Variants in ZFP37 observed in about 807,000 individuals in gnomAD.
ZFP37 encodes the protein ZFP37 zinc finger protein.
Under a neutral mutation model 52.1 loss-of-function variants are expected in ZFP37, and 38 were observed. The observed-to-expected ratio is 0.73, with a 90% CI of 0.56 to 0.96. ZFP37 has a LOEUF of 0.96. ZFP37 is among the 40% of genes least tolerant of loss of function. The pLI is 0.00. For missense variants in ZFP37, 695 were observed against 741.4 expected (o/e 0.94, Z 0.73); for synonymous variants, 253 against 259.5 (o/e 0.98, Z 0.24).
At chr9:113,049,962 G>T (rs545278285) in intron 1 of ZFP37, 90 bp from the exon 2 acceptor site, 37 of 1,588,752 alleles carry the variant, frequency 2.3e-5, no homozygotes, top group Non-Finnish European at 3.0e-5. Context: ...TCCACATTTG[G>T]TGAGTGATTT....
At chr9:113,047,862 T>A (rs1041122613) in intron 3 of ZFP37, among the ~76,000 whole-genome samples, 2 of 152,196 alleles carry the variant, frequency 1.3e-5, no homozygotes, top group Admixed American at 6.5e-5. Flanking sequence ...AAGCTGTTGT[T>A]TAAGTAGGTC....
In ZFP37 at chr9:113,040,513, C is replaced by G. The variant is rs1026822831; in HGVS notation, c.*2212G>C. The G allele has an allele frequency of 2.6e-5, 4 of 152,176 alleles. No homozygotes were observed. Among genetic ancestry groups the G allele is most frequent in the Non-Finnish European group, 4.4e-5 (3 of 68,028 alleles). 9.4% of individuals were successfully genotyped at this position (152,176 alleles called of 1,614,324 possible). On this transcript the variant is annotated 3_prime_UTR_variant, in exon 4 of 4. Transcript: ENST00000374227. ...ACCCGTGCATGTGTATGCATGTGTG[C>G]ACATGCACATACACGAACACATATT...
Position 113,043,512 on chromosome 9 carries a change from C to A in ZFP37, c.1106G>T (p.Arg369Ile). The A allele has an allele frequency of 6.2e-7, 1 of 1,614,068 alleles. No individual in the cohort carries two copies. Among genetic ancestry groups the A allele is most frequent in the Admixed American group, 1.7e-5 (1 of 60,018 alleles). ...GHKHALTDHLRIHTGEKPYEC... is the reference protein window; with the variant it reads ...GHKHALTDHLIIHTGEKPYEC... ...ATAGGGCTTTTCTCCAGTATGAATT[C>A]TTAGATGGTCAGTGAGTGCATGTTT... The change falls in exon 4 of 4, where the codon AGA becomes ATA. Residue 369 changes from arginine (R) to isoleucine (I), a missense_variant. Arg to Ile is a moderately conservative substitution (Grantham distance 97). Transcript: ENST00000374227.
intron 3 of ZFP37, among the ~76,000 whole-genome samples, chr9:113,045,342 C>T (rs1041594689): frequency 1.3e-5 from 2 of 152,122 alleles, no homozygotes; most frequent in Non-Finnish European, 2.9e-5. Context: ...TCTAAATTAC[C>T]TGATGCTTTC....
At chr9:113,045,135 A>T (rs934172644) in intron 3 of ZFP37, among the ~76,000 whole-genome samples, 2 of 152,196 alleles carry the variant, frequency 1.3e-5, no homozygotes, top group Non-Finnish European at 2.9e-5. Flanking sequence ...AAATAAAGTG[A>T]GTCCACCAAG....
At chr9:113,050,797 A>G (rs57859873) in intron 1 of ZFP37, among the ~76,000 whole-genome samples, 43,400 of 151,846 alleles carry the variant, frequency 0.29, 6,972 homozygotes, top group Non-Finnish European at 0.37. Context: ...CTTGGGAGGC[A>G]GAGGGAGGAG....
intron 1 of ZFP37, among the ~76,000 whole-genome samples, chr9:113,056,309 A>G (rs1468732902): frequency 6.0e-5 from 9 of 151,084 alleles, no homozygotes; most frequent in Non-Finnish European, 1.3e-4. Flanking sequence ...CTCCTTCCAA[A>G]CTCCGACACT....
chr9:113,049,222 T>C, intron 3 of ZFP37, 140 bp downstream of exon 3: 1 of 948,634 alleles, frequency 1.1e-6, no homozygotes, highest in Non-Finnish European at 1.5e-6. Flanking sequence ...TACAGAATCT[T>C]TGTAGTTTGA....
Position 113,044,061 on chromosome 9 carries a change from T to C in ZFP37, c.557A>G (p.Gln186Arg). ...TGAGTGATCAGGTAAATCTAAATTC[T>C]GTTTCAAAATTTTTCCACATGACTC... ...KFESCGKILK[Q>R]NLDLPDHSRN... The change falls in exon 4 of 4, where the codon CAG (glutamine) becomes CGG (arginine). Residue 186 changes from glutamine (Q) to arginine (R), a missense_variant. Around this residue, in one of 2 missense-constraint regions of ZFP37, gnomAD observed 369 missense variants for 340.9 expected, o/e 1.08. Transcript: ENST00000374227. The C allele has an allele frequency of 6.2e-7, 1 of 1,609,816 alleles. No homozygotes were observed. The highest frequency in any genetic ancestry group is 8.5e-7 in the Non-Finnish European group (1 of 1,179,008).
In ZFP37 at chr9:113,049,809, A is replaced by G; in HGVS notation, c.196T>C (p.Cys66Arg). 2 of 1,613,988 alleles carry G rather than the reference A, an allele frequency of 1.2e-6. No individual in the cohort carries two copies. The highest frequency in any genetic ancestry group is 1.7e-6 in the Non-Finnish European group (2 of 1,179,924). ...TTCTTACCCATTGAGGCTTGGTTGC[A>G]GTAGTTCTCCAGCATCACATCATTA... The part of the protein sequence containing the change: ...LYNDVMLENY[C>R]NQASMGCQAP... Residue 66 changes from cysteine to arginine, a missense_variant, in exon 2 of 4, where the codon TGC (cysteine) becomes CGC (arginine). Coordinates refer to ENST00000374227, the MANE Select transcript of ZFP37 (RefSeq NM_003408.3).
At chr9:113,046,038 T>C (rs1038556625) in intron 3 of ZFP37, among the ~76,000 whole-genome samples, 1 of 151,954 alleles carries the variant, frequency 6.6e-6, no homozygotes, top group Non-Finnish European at 1.5e-5. Context: ...TTACGGTATC[T>C]GAATGGATAG....
intron 3 of ZFP37, among the ~76,000 whole-genome samples, chr9:113,044,770 C>T (rs1828922502): frequency 6.6e-6 from 1 of 152,080 alleles, no homozygotes; most frequent in South Asian, 2.1e-4. Flanking sequence ...AAATTTGACT[C>T]CAGTTAGTCT....
Position 113,043,025 on chromosome 9 carries a change from G to C in ZFP37, c.1593C>G (p.Gly531=), listed in dbSNP as rs1478079690. Residue 531 remains glycine, a synonymous_variant, in exon 4 of 4, where the codon GGC becomes GGG. Coordinates refer to ENST00000374227, the MANE Select transcript of ZFP37 (RefSeq NM_003408.3). ...TATGAACTCTCTGATGTTGAGTAAG[G>C]CCTTCAATTTGTTTAAAGCCTTTCC... is the stretch of plus-strand genomic sequence containing the variant. ...QCGKGFKQIE[G]LTQHQRVHTG... is the part of the protein sequence containing the mutation. 6.2e-7 allele frequency: 1 copy of C among 1,613,576 alleles called. No homozygotes were observed. The highest frequency in any genetic ancestry group is 1.3e-5 in the African/African-American group (1 of 74,946).
At position 113,043,628 on chromosome 9, in the gene ZFP37, A is replaced by G. The variant is rs975862228; in HGVS notation, c.990T>C (p.Phe330=). Residue 330 remains phenylalanine (F), a synonymous_variant, in exon 4 of 4, where the codon TTT becomes TTC. Coordinates refer to ENST00000374227, the MANE Select transcript of ZFP37 (RefSeq NM_003408.3). ...PYECNECGIA[F]SQKSHLVVHQ... ...GTACAACAAGGTGTGACTTTTGGCT[A>G]AAGGCTATCCCACATTCATTACATT... is the stretch of plus-strand genomic sequence containing the variant. The G allele has an allele frequency of 6.8e-6, 11 of 1,614,030 alleles. No homozygotes were observed. Among genetic ancestry groups the G allele is most frequent in the Non-Finnish European group, 9.3e-6 (11 of 1,179,932 alleles).
rs752619465 is a variant in ZFP37, at chr9:113,042,868, C to T, written c.1750G>A (p.Ala584Thr). 5.0e-6 allele frequency: 8 copies of T among 1,613,636 alleles called. No individual in the cohort carries two copies. Among genetic ancestry groups the T allele is most frequent in the African/African-American group, 1.3e-5 (1 of 74,862 alleles). ...TGATGTATAACAAGCTGTGATTTTG[C>T]ATTAAAGGCTTTTTCACATTCGTTA... Reference protein sequence around the residue: ...ECNECEKAFNAKSQLVIHQRS... With the variant: ...ECNECEKAFNTKSQLVIHQRS... Residue 584 changes from alanine to threonine, a missense_variant, in exon 4 of 4, where the codon GCA (alanine) becomes ACA (threonine). By Grantham distance (58) the Ala-to-Thr change is moderately conservative. Transcript: ENST00000374227.
Position 113,039,766 on chromosome 9 carries a change from CT to C in ZFP37, c.*2958del, listed in dbSNP as rs551150701. Reference sequence around the variant, plus strand: ...ACTTGAATAAATAAATGTTTCAAAACTGTTAATAATAATTTACTTTTATGCC... The same window carrying C: ...ACTTGAATAAATAAATGTTTCAAAACGTTAATAATAATTTACTTTTATGCC... On this transcript the variant is annotated 3_prime_UTR_variant, in exon 4 of 4. Transcript: ENST00000374227. The C allele has an allele frequency of 9.9e-4, 150 of 152,226 alleles. 1 individual carries two copies. The highest frequency in any genetic ancestry group is 3.4e-3 in the African/African-American group (142 of 41,540). 9.4% of individuals were successfully genotyped at this position (152,226 alleles called of 1,614,324 possible).
At chr9:113,045,282 T>C (rs1055511677) in intron 3 of ZFP37, among the ~76,000 whole-genome samples, 2 of 152,188 alleles carry the variant, frequency 1.3e-5, no homozygotes, top group Non-Finnish European at 2.9e-5. Context: ...TTGCTACCAC[T>C]GAAATGACCC....
At chr9:113,046,546 G>A (rs562116323) in intron 3 of ZFP37, among the ~76,000 whole-genome samples, 16 of 152,020 alleles carry the variant, frequency 1.1e-4, no homozygotes, top group Admixed American at 2.0e-4. Flanking sequence ...GATATCTGCC[G>A]GCAGGAAAAG....
At chr9:113,044,399 C>G in intron 3 of ZFP37, 131 bp from the exon 4 acceptor site, 1 of 726,184 alleles carries the variant, frequency 1.4e-6, no homozygotes, top group Non-Finnish European at 2.1e-6. Context: ...GTGAATGAAA[C>G]AACTAGGGTG....
Sources: allele counts gnomAD v4.1 joint callset (sites outside exome capture counted in the v4.1 genomes callset), GRCh38; gene constraint gnomAD v4.1.1; regional missense constraint gnomAD v4.1.1; transcripts MANE v1.5; gene names NCBI Gene and HGNC (gene_info 2026-07-23, HGNC 2026-07-21).